The following GREM2 variants were observed in gnomAD, a reference collection of about 807,000 sequenced individuals.
The protein encoded by GREM2 is gremlin-2.
A neutral mutation model predicts 14.2 loss-of-function variants in GREM2; 11 were observed. The observed-to-expected ratio is 0.78, with a 90% confidence interval of 0.49 to 1.28. GREM2 has a LOEUF of 1.28. Ranked by LOEUF, GREM2 falls within the 50% of genes most tolerant of loss-of-function variation. The pLI is 0.00. For missense variants in GREM2, 210 were observed against 218.5 expected, an observed-to-expected ratio of 0.96 and a Z score of 0.24; for synonymous variants, 98 against 97.6, an observed-to-expected ratio of 1.00 and a Z score of -0.02.
chr1:240,599,392 G>C (rs1445526249), intron 1 of GREM2, among the ~76,000 whole-genome samples: 1 of 152,168 alleles, frequency 6.6e-6, no homozygotes, highest in Non-Finnish European at 1.5e-5. Context: ...AAAAGGGATG[G>C]GGTGAGCAGA....
intron 1 of GREM2, among the ~76,000 whole-genome samples, chr1:240,564,268 C>T (rs1314484748): frequency 1.3e-5 from 2 of 151,008 alleles, no homozygotes; most frequent in African/African-American, 2.4e-5. Flanking sequence ...CATTTTGGGA[C>T]GCTGAGGCAG....
chr1:240,491,716 T>C lies in GREM2; in HGVS notation c.*1253A>G, dbSNP rs192091627. On this transcript the variant is annotated 3_prime_UTR_variant, in exon 2 of 2. Transcript: ENST00000318160. ...CTCCTTATATTTTTCAATATCCCTC[T>C]CTTTTTCTCTTTCTTTTAACAGGAA... The C allele has an allele frequency of 0.041, 6,286 of 152,758 alleles. 143 individuals are homozygous for C. Among genetic ancestry groups the C allele is most frequent in the Middle Eastern group, 0.085 (25 of 294 alleles). 9.5% of individuals were successfully genotyped at this position (152,758 alleles called of 1,614,324 possible). A position where few individuals can be genotyped will look rare whatever the true frequency, so the allele number is the denominator to read the frequency against.
chr1:240,551,563 G>T (rs538867491), intron 1 of GREM2, among the ~76,000 whole-genome samples: 2 of 151,846 alleles, frequency 1.3e-5, no homozygotes, highest in East Asian at 3.9e-4. Context: ...GGCCAGGCTG[G>T]TCTCTAACTC....
intron 1 of GREM2, among the ~76,000 whole-genome samples, chr1:240,523,217 C>T (rs1185651967): frequency 2.0e-5 from 3 of 152,128 alleles, no homozygotes; most frequent in African/African-American, 4.8e-5. Context: ...CTCAGCCTCC[C>T]GAGTAGCTGG....
intron 1 of GREM2, among the ~76,000 whole-genome samples, chr1:240,585,751 A>G (rs977656027): frequency 4.7e-5 from 7 of 150,368 alleles, no homozygotes; most frequent in East Asian, 3.9e-4. Flanking sequence ...AAAAAAAAAA[A>G]AAAAAGAGAA....
At chr1:240,499,016 G>C (rs1347023914) in intron 1 of GREM2, among the ~76,000 whole-genome samples, 1 of 152,196 alleles carries the variant, frequency 6.6e-6, no homozygotes, top group Non-Finnish European at 1.5e-5. Context: ...GGCCTCTGTA[G>C]ATACCAGAAT....
At chr1:240,499,858 G>A (rs866130506) in intron 1 of GREM2, among the ~76,000 whole-genome samples, 17 of 152,234 alleles carry the variant, frequency 1.1e-4, no homozygotes, top group Middle Eastern at 3.2e-3. Flanking sequence ...TAAGGGCAGA[G>A]TGAGTGGTGG....
chr1:240,591,118 T>A (rs538312406), intron 1 of GREM2, among the ~76,000 whole-genome samples: 1 of 152,232 alleles, frequency 6.6e-6, no homozygotes, highest in African/African-American at 2.4e-5. Flanking sequence ...TAACTGACAT[T>A]TATTTCCTCA....
At chr1:240,571,664 C>T (rs911368718) in intron 1 of GREM2, among the ~76,000 whole-genome samples, 4 of 152,048 alleles carry the variant, frequency 2.6e-5, no homozygotes, top group African/African-American at 4.8e-5. Flanking sequence ...CACCATTGCA[C>T]TCCAGCCTGG....
intron 1 of GREM2, among the ~76,000 whole-genome samples, chr1:240,506,351 T>C (rs556571557): frequency 2.0e-5 from 3 of 152,270 alleles, no homozygotes; most frequent in Admixed American, 6.5e-5. Flanking sequence ...AATGGGTCCA[T>C]AGAGGACTGG....
At chr1:240,496,462 C>T (rs1020414488) in intron 1 of GREM2, among the ~76,000 whole-genome samples, 3 of 152,206 alleles carry the variant, frequency 2.0e-5, no homozygotes, top group Admixed American at 6.5e-5. Context: ...ACTCTTTGCT[C>T]GGTTACCACC....
rs1035793528 is a variant in GREM2, at chr1:240,584,510, A to G, written c.-2+27374T>C. ...ACTCCATCTCAAAAAAAAAAAAAAA[A>G]AAGAAGAATGAAAATAAAAATTAAA... On this transcript the variant is annotated intron_variant, in intron 1 of 1. Transcript: ENST00000318160. 6.0e-5 allele frequency among the ~76,000 whole-genome samples: 9 copies of G among 151,240 alleles called. No homozygotes were observed. The South Asian group carries it at 8.3e-4, about 14-fold the overall frequency.
At chr1:240,582,712 G>A (rs560266744) in intron 1 of GREM2, among the ~76,000 whole-genome samples, 4 of 150,292 alleles carry the variant, frequency 2.7e-5, no homozygotes, top group Admixed American at 1.3e-4. Flanking sequence ...CAGGAAAATC[G>A]CTTCAACCCA....
intron 1 of GREM2, among the ~76,000 whole-genome samples, chr1:240,607,973 G>T (rs890704289): frequency 6.6e-6 from 1 of 152,146 alleles, no homozygotes; most frequent in Non-Finnish European, 1.5e-5. Flanking sequence ...TAATGTAAAG[G>T]ACTATACTAG....
intron 1 of GREM2, among the ~76,000 whole-genome samples, chr1:240,501,065 C>T (rs918360281): frequency 6.6e-6 from 1 of 152,134 alleles, no homozygotes; most frequent in Non-Finnish European, 1.5e-5. Context: ...GAGATGGCAT[C>T]TTATGATGAT....
intron 1 of GREM2, among the ~76,000 whole-genome samples, chr1:240,502,659 C>G (rs181956528): frequency 3.3e-4 from 50 of 152,318 alleles, no homozygotes; most frequent in Admixed American, 1.1e-3. Flanking sequence ...CATCATTCCT[C>G]TGATAGATGC....
chr1:240,577,245 T>C (rs1455978614), intron 1 of GREM2, among the ~76,000 whole-genome samples: 1 of 152,012 alleles, frequency 6.6e-6, no homozygotes, highest in Non-Finnish European at 1.5e-5. Context: ...GAGTCGGCCA[T>C]AAAAGTGATG....
At chr1:240,591,182 C>T (rs1463459104) in intron 1 of GREM2, among the ~76,000 whole-genome samples, 7 of 152,152 alleles carry the variant, frequency 4.6e-5, no homozygotes, top group Admixed American at 4.6e-4. Context: ...TGTTTTCTGC[C>T]TACAACTAAC....
At position 240,546,861 on chromosome 1, in the gene GREM2, C is replaced by T. The variant is rs1678734832; in HGVS notation, c.-1-53385G>A. Among the ~76,000 whole-genome samples, 3 of 147,306 alleles carry T rather than the reference C, an allele frequency of 2.0e-5. No homozygotes were observed. The South Asian group carries it at 6.3e-4, about 31-fold the overall frequency. The stretch of plus-strand genomic sequence containing the variant: ...GAAGAGGTAACTCGTTCTTCAAGGG[C>T]TTATCACTTAGTAAAAAAAAAAGAA... On this transcript the variant is annotated intron_variant, in intron 1 of 1. Coordinates refer to ENST00000318160, the MANE Select transcript of GREM2 (RefSeq NM_022469.4).
Sources: gnomAD v4.1 joint callset for allele counts (sites outside exome capture counted in the v4.1 genomes callset) on GRCh38, gnomAD v4.1.1 for gene constraint, MANE v1.5 for transcripts, NCBI Gene and HGNC (gene_info 2026-07-23, HGNC 2026-07-21) for gene names.